The following ABCA12 variants were observed in gnomAD, a reference collection of about 807,000 sequenced individuals.
ABCA12 encodes the protein glucosylceramide transporter ABCA12.
A neutral mutation model predicts 293.5 loss-of-function variants in ABCA12; 156 were observed. The observed-to-expected ratio is 0.53, with a 90% CI of 0.47 to 0.61. The LOEUF (loss-of-function observed/expected upper bound fraction) is 0.61, where lower values mean the gene tolerates loss of function less well. Ranked by LOEUF, ABCA12 falls within the 20% of genes least tolerant of loss-of-function variation. The pLI, the probability that ABCA12 is intolerant of heterozygous loss-of-function variation, is 0.00. For synonymous variants in ABCA12, 1,063 were observed against 1,108.0 expected (o/e 0.96, Z 0.81); for missense variants, 2,797 against 3,090.2 (o/e 0.91, Z 2.25).
rs4672745 is a variant in ABCA12, at chr2:215,069,466, T to C, written c.164-5247A>G. ...TCTTAGAAGCATATTTGTAATAATT[T>C]ATTAACGTTTTTTTTTAAATCTTCT... On this transcript the variant is annotated intron_variant, in intron 2 of 52. Transcript: ENST00000272895. 8.3e-3 allele frequency among the ~76,000 whole-genome samples: 1,260 copies of C among 152,276 alleles called. 42 individuals carry two copies. The highest frequency in any genetic ancestry group is 0.063 in the Admixed American group (970 of 15,276).
chr2:215,131,278 A>AT lies in ABCA12; in HGVS notation c.69+6861dup, dbSNP rs562693569. On this transcript the variant is annotated intron_variant, in intron 1 of 52. Coordinates refer to ENST00000272895, the MANE Select transcript of ABCA12 (RefSeq NM_173076.3). ...GATGGGAAGGGAGCCCTCCTCTTCG[A>AT]TTTTTTTTTGGAATAGTTTCACCAA... Among the ~76,000 whole-genome samples the AT allele has an allele frequency of 4.3e-3, 639 of 150,276 alleles. 7 individuals are homozygous for AT. Among genetic ancestry groups the AT allele is most frequent in the African/African-American group, 0.015 (601 of 41,034 alleles).
At chr2:214,944,980 T>C (rs1183187683) in intron 49 of ABCA12, 21 bp downstream of exon 49, 2 of 1,603,906 alleles carry the variant, frequency 1.2e-6, no homozygotes, top group Admixed American at 1.7e-5. Flanking sequence ...GGATTCGCTT[T>C]AAAGATTCCA....
intron 23 of ABCA12, among the ~76,000 whole-genome samples, chr2:214,992,343 T>C (rs1699929817): frequency 6.7e-6 from 1 of 148,886 alleles, no homozygotes; most frequent in Admixed American, 6.8e-5. Context: ...CTCAGGAGGC[T>C]GAGGCAGGAG....
rs775490909 is a variant in ABCA12 at position 214,947,454 on chromosome 2, C to T, written c.7207G>A (p.Ala2403Thr). The T allele has an allele frequency of 1.2e-6, 2 of 1,613,904 alleles. No individual in the cohort carries two copies. Among genetic ancestry groups the T allele is most frequent in the South Asian group, 1.1e-5 (1 of 91,076 alleles). The change falls in exon 48 of 53, where the codon GCC (alanine) becomes ACC (threonine). Residue 2403 changes from alanine to threonine, a missense_variant. This residue lies in a region of ABCA12 where 2,130 missense variants were observed against 2,427.0 expected (regional missense o/e 0.88). Coordinates refer to ENST00000272895, the MANE Select transcript of ABCA12 (RefSeq NM_173076.3). ...AGAATGGAAGGTTTCCCTATCAAGG[C>T]CAGTGCAGTGGATAATTTTCTTTTT... is the stretch of plus-strand genomic sequence containing the variant. ...GTKRKLSTAL[A>T]LIGKPSILLL...
chr2:215,001,863 CT>C, intron 20 of ABCA12, 126 bp from the exon 21 acceptor site: 1 of 869,228 alleles, frequency 1.2e-6, no homozygotes, highest in Non-Finnish European at 1.7e-6. Flanking sequence ...GCAGAATTTA[CT>C]CTAAAAATAT....
chr2:214,988,178 T>C (rs1298446236), intron 26 of ABCA12, among the ~76,000 whole-genome samples: 1 of 152,188 alleles, frequency 6.6e-6, no homozygotes, highest in Non-Finnish European at 1.5e-5. Context: ...AACAGACATG[T>C]GTAGACATAT....
At chr2:214,945,160 C>A (rs1698543002) in intron 48 of ABCA12, 56 bp from the exon 49 acceptor site, 1 of 1,408,374 alleles carries the variant, frequency 7.1e-7, no homozygotes, top group Non-Finnish European at 9.9e-7. Flanking sequence ...TGATGAAGTT[C>A]TTTTCATGAA....
intron 44 of ABCA12, 140 bp from the exon 45 acceptor site, chr2:214,951,223 T>C (rs2105928077): frequency 1.3e-6 from 1 of 792,550 alleles, no homozygotes; most frequent in African/African-American, 1.7e-5. Context: ...TGAATTATGC[T>C]ACTCAGATAA....
chr2:215,000,429 G>T (rs973655317), intron 22 of ABCA12, among the ~76,000 whole-genome samples: 10 of 152,094 alleles, frequency 6.6e-5, no homozygotes, highest in Admixed American at 6.6e-4. Flanking sequence ...AATGTACTCA[G>T]GTCTGAAGTC....
chr2:215,099,008 A>G (rs1408716715), intron 2 of ABCA12, among the ~76,000 whole-genome samples: 5 of 152,248 alleles, frequency 3.3e-5, no homozygotes, highest in Admixed American at 6.5e-5. Flanking sequence ...AATCTTCGGC[A>G]CTTTTTTTCA....
chr2:215,030,043 C>A (rs1383455552), intron 9 of ABCA12: 1 of 152,152 alleles, frequency 6.6e-6, no homozygotes, highest in East Asian at 1.9e-4. Flanking sequence ...GATAAGAAAT[C>A]CCTTAATTTC....
intron 2 of ABCA12, among the ~76,000 whole-genome samples, chr2:215,090,181 C>T (rs1702114066): frequency 6.6e-6 from 1 of 152,178 alleles, no homozygotes; most frequent in African/African-American, 2.4e-5. Flanking sequence ...TATAAAACTG[C>T]CCCACCCCTA....
intron 11 of ABCA12, chr2:215,023,053 G>A (rs1424353291): frequency 1.3e-5 from 2 of 152,232 alleles, no homozygotes; most frequent in African/African-American, 4.8e-5. Flanking sequence ...AGTCACCAAT[G>A]AATGCCAGGG....
At chr2:215,024,682 T>G (rs984377128) in intron 11 of ABCA12, among the ~76,000 whole-genome samples, 5 of 152,226 alleles carry the variant, frequency 3.3e-5, no homozygotes. Flanking sequence ...ATGTTTTGCA[T>G]GCCTGCTTAA....
At chr2:215,049,056 T>C (rs1013350355) in intron 6 of ABCA12, among the ~76,000 whole-genome samples, 4 of 152,152 alleles carry the variant, frequency 2.6e-5, no homozygotes, top group Admixed American at 6.6e-5. Flanking sequence ...TACTGAGTAC[T>C]AGGCTTAGTA....
At chr2:214,950,195 T>C (rs559961704) in intron 45 of ABCA12, among the ~76,000 whole-genome samples, 1 of 152,304 alleles carries the variant, frequency 6.6e-6, no homozygotes, top group African/African-American at 2.4e-5. Flanking sequence ...GCATAGATTA[T>C]ATGCAGTACT....
chr2:215,080,945 T>A (rs933812265), intron 2 of ABCA12: 3 of 152,216 alleles, frequency 2.0e-5, no homozygotes, highest in African/African-American at 7.2e-5. Flanking sequence ...TTATTTTAAA[T>A]CTTTTCTCAA....
At chr2:215,134,286 A>ACG (rs1395266066) in intron 1 of ABCA12, among the ~76,000 whole-genome samples, 74 of 141,838 alleles carry the variant, frequency 5.2e-4, no homozygotes, top group African/African-American at 1.9e-3. Flanking sequence ...ATGTGTATAT[A>ACG]TGTATATGTA....
intron 1 of ABCA12, among the ~76,000 whole-genome samples, chr2:215,134,494 GCA>G (rs1703149959): frequency 8.3e-6 from 1 of 121,128 alleles, no homozygotes; most frequent in South Asian, 2.4e-4. Flanking sequence ...ACGTATATAT[GCA>G]CATATATGCG....
Sources: allele counts gnomAD v4.1 joint callset (sites outside exome capture counted in the v4.1 genomes callset), GRCh38; gene constraint gnomAD v4.1.1; regional missense constraint gnomAD v4.1.1; transcripts MANE v1.5; gene names NCBI Gene and HGNC (gene_info 2026-07-23, HGNC 2026-07-21).